The following MKLN1 variants were observed in gnomAD, a reference collection of about 807,000 sequenced individuals.
MKLN1 encodes the protein muskelin 1.
MKLN1 carries 18 observed loss-of-function variants against 99.0 expected under a neutral mutation model. The observed-to-expected ratio is 0.18, with a 90% CI of 0.13 to 0.27. MKLN1 has a LOEUF of 0.27. MKLN1 is among the 10% of genes least tolerant of loss of function. The pLI, the probability that MKLN1 is intolerant of heterozygous loss-of-function variation, is 1.00. For synonymous variants in MKLN1, 288 were observed against 293.2 expected (o/e 0.98, Z 0.18); for missense variants, 621 against 875.9 (o/e 0.71, Z 3.67).
chr7:131,350,576 G>T (rs1799691273), intron 1 of MKLN1, among the ~76,000 whole-genome samples: 1 of 152,146 alleles, frequency 6.6e-6, no homozygotes, highest in African/African-American at 2.4e-5. Flanking sequence ...TTTGATTGTT[G>T]GCAGGATTCA....
chr7:131,210,611 G>C (rs1796886710), intron 3 of MKLN1, among the ~76,000 whole-genome samples: 2 of 143,848 alleles, frequency 1.4e-5, no homozygotes, highest in African/African-American at 2.6e-5. Flanking sequence ...GCTGAGGTGG[G>C]AGGATCACCT....
At chr7:131,231,097 G>A (rs1227130491) in intron 3 of MKLN1, among the ~76,000 whole-genome samples, 1 of 117,320 alleles carries the variant, frequency 8.5e-6, no homozygotes, top group Non-Finnish European at 1.6e-5. Context: ...TCCAGCCTGG[G>A]TGACAGAGCA....
intron 1 of MKLN1, among the ~76,000 whole-genome samples, chr7:131,331,044 T>G (rs2116693967): frequency 6.6e-6 from 1 of 152,328 alleles, no homozygotes; most frequent in Middle Eastern, 3.4e-3. Context: ...TTTTGTAAAC[T>G]GCTAATCCCT....
chr7:131,204,468 AT>A (rs1377778049), intron 3 of MKLN1, among the ~76,000 whole-genome samples: 2 of 152,210 alleles, frequency 1.3e-5, no homozygotes, highest in Non-Finnish European at 2.9e-5. Context: ...AAATCCTTAT[AT>A]TTGACATGTA....
intron 3 of MKLN1, among the ~76,000 whole-genome samples, chr7:131,286,783 T>C (rs1284787289): frequency 2.0e-5 from 3 of 152,192 alleles, no homozygotes; most frequent in African/African-American, 4.8e-5. Context: ...CAGGAGCATA[T>C]AGTTTGAGGC....
chr7:131,481,090 A>G (rs1797109995), intron 17 of MKLN1, among the ~76,000 whole-genome samples: 1 of 152,214 alleles, frequency 6.6e-6, no homozygotes, highest in African/African-American at 2.4e-5. Context: ...CAAACACAAA[A>G]AGAGAAAAAT....
intron 3 of MKLN1, among the ~76,000 whole-genome samples, chr7:131,214,919 A>G (rs1361026086): frequency 6.6e-6 from 1 of 152,220 alleles, no homozygotes. Flanking sequence ...ACAAAAGTAC[A>G]TGTTATATTT....
At position 131,158,482 on chromosome 7, in the gene MKLN1, G is replaced by A. The variant is rs182525150; in HGVS notation, c.-297+15541G>A. On this transcript the variant is annotated intron_variant, in intron 2 of 7. Coordinates refer to the MKLN1 transcript ENST00000416992. ...CTTCTTATTAACCTGTGTACATACTGTGCTTCAAGAGTAGGACTGAGTGCC... is the reference window on the plus strand; with the variant it reads ...CTTCTTATTAACCTGTGTACATACTATGCTTCAAGAGTAGGACTGAGTGCC... Among the ~76,000 whole-genome samples the A allele has an allele frequency of 3.1e-3, 468 of 152,212 alleles. 3 individuals carry two copies. The highest frequency in any genetic ancestry group is 1.8e-3 in the Admixed American group (28 of 15,290).
chr7:131,471,403 T>C (rs1380649319), intron 16 of MKLN1, among the ~76,000 whole-genome samples: 3 of 152,338 alleles, frequency 2.0e-5, no homozygotes, highest in Admixed American at 2.0e-4. Flanking sequence ...AATATTTAGT[T>C]ATGTGAATGT....
chr7:131,133,717 G>T (rs1795598447), intron 1 of MKLN1, among the ~76,000 whole-genome samples: 1 of 150,144 alleles, frequency 6.7e-6, no homozygotes, highest in Non-Finnish European at 1.5e-5. Flanking sequence ...CAAACCCTGG[G>T]CTCCAGTGAT....
At chr7:131,360,056 C>T (rs912079064) in intron 1 of MKLN1, among the ~76,000 whole-genome samples, 1 of 152,044 alleles carries the variant, frequency 6.6e-6, no homozygotes, top group Non-Finnish European at 1.5e-5. Context: ...GCCAATGGCT[C>T]TCTTTTTTGC....
chr7:131,431,493 G>A (rs920872054), intron 9 of MKLN1, among the ~76,000 whole-genome samples: 5 of 152,172 alleles, frequency 3.3e-5, no homozygotes, highest in African/African-American at 1.2e-4. Context: ...AGCTGGTCTA[G>A]TGTGGTTTCA....
At chr7:131,358,191 T>C (rs755104736) in intron 1 of MKLN1, among the ~76,000 whole-genome samples, 1 of 152,172 alleles carries the variant, frequency 6.6e-6, no homozygotes, top group Non-Finnish European at 1.5e-5. Context: ...GTTTTGTAGG[T>C]ACTCTTTATC....
At chr7:131,453,634 A>G (rs750185721) in intron 12 of MKLN1, among the ~76,000 whole-genome samples, 2 of 152,174 alleles carry the variant, frequency 1.3e-5, no homozygotes, top group Non-Finnish European at 2.9e-5. Flanking sequence ...CTTAAGAAAT[A>G]AAATTATAAT....
rs907079191 is a variant in MKLN1 at position 131,466,904 on chromosome 7, TAC to T, written c.1928+508_1928+509del. ...TCAAACATTTTCATATATATACATA[TAC>T]ACACACACACACACACACGCGCGCG... On this transcript the variant is annotated intron_variant, in intron 15 of 17. Transcript: ENST00000352689. Among the ~76,000 whole-genome samples, 514 of 150,708 alleles carry T rather than the reference TAC, an allele frequency of 3.4e-3. 5 individuals carry two copies. Among genetic ancestry groups the T allele is most frequent in the South Asian group, 0.018 (86 of 4,714 alleles).
intron 3 of MKLN1, among the ~76,000 whole-genome samples, chr7:131,277,694 G>T (rs1024689856): frequency 3.3e-5 from 5 of 152,132 alleles, no homozygotes; most frequent in Admixed American, 3.3e-4. Flanking sequence ...GGGACTACAG[G>T]CGTGAGCCAT....
At chr7:131,421,250 A>G (rs1424883017) in intron 8 of MKLN1, among the ~76,000 whole-genome samples, 1 of 152,184 alleles carries the variant, frequency 6.6e-6, no homozygotes, top group Non-Finnish European at 1.5e-5. Flanking sequence ...TAGTAGCATA[A>G]TTTACTGAGG....
intron 3 of MKLN1, chr7:131,243,032 C>CA: frequency 1.8e-5 from 10 of 541,942 alleles, no homozygotes; most frequent in Admixed American, 2.3e-5. Context: ...AAAAATTAAA[C>CA]AGAAAAAAAA....
intron 4 of MKLN1, among the ~76,000 whole-genome samples, chr7:131,395,366 A>T (rs1011095667): frequency 1.3e-5 from 2 of 152,022 alleles, no homozygotes; most frequent in Non-Finnish European, 2.9e-5. Context: ...TGCAAATCTC[A>T]TTTTGTCACA....
Sources: gnomAD v4.1 joint callset for allele counts (sites outside exome capture counted in the v4.1 genomes callset) on GRCh38, gnomAD v4.1.1 for gene constraint, MANE v1.5 for transcripts, NCBI Gene and HGNC (gene_info 2026-07-23, HGNC 2026-07-21) for gene names.